Variants in LNX1 observed in about 807,000 individuals in gnomAD.
LNX1 encodes E3 ubiquitin-protein ligase LNX.
Under a neutral mutation model 68.4 loss-of-function variants are expected in LNX1, and 54 were observed. That is an observed-to-expected ratio of 0.79 (90% CI 0.63 to 0.99). LNX1 has a LOEUF of 0.99. Ranked by LOEUF, LNX1 falls within the 50% of genes least tolerant of loss-of-function variation. The pLI, the probability that LNX1 is intolerant of heterozygous loss-of-function variation, is 0.00. For missense variants in LNX1, 906 were observed against 926.4 expected, an observed-to-expected ratio of 0.98 and a Z score of 0.29; for synonymous variants, 336 against 350.0, an observed-to-expected ratio of 0.96 and a Z score of 0.45.
chr4:53,564,545 A>C (rs564533881), intron 2 of LNX1, among the ~76,000 whole-genome samples: 1 of 152,284 alleles, frequency 6.6e-6, no homozygotes, highest in Admixed American at 6.5e-5. Flanking sequence ...TATTCCCCAG[A>C]GATGTCCAGC....
Position 53,530,180 on chromosome 4 carries a change from C to G in LNX1, c.381-21953G>C, listed in dbSNP as rs938930843. The stretch of plus-strand genomic sequence containing the variant: ...AGAGCAATTTGGTTATAGAGTTGTG[C>G]TCTCTACTTTCCCAAACATTCGTTA... On this transcript the variant is annotated intron_variant, in intron 2 of 10. Transcript: ENST00000263925. 2.6e-5 allele frequency among the ~76,000 whole-genome samples: 4 copies of G among 152,182 alleles called. No homozygotes were observed. The East Asian group carries it at 7.7e-4, about 29-fold the overall frequency.
At chr4:53,463,349 T>C (rs528337535) in intron 9 of LNX1, among the ~76,000 whole-genome samples, 1 of 152,128 alleles carries the variant, frequency 6.6e-6, no homozygotes, top group African/African-American at 2.4e-5. Context: ...TCAGTGTTCC[T>C]AGTTTTATTT....
intron 2 of LNX1, among the ~76,000 whole-genome samples, chr4:53,561,637 T>C (rs563458814): frequency 6.6e-6 from 1 of 152,342 alleles, no homozygotes; most frequent in East Asian, 1.9e-4. Context: ...CGATCCAGGT[T>C]AGACCTTTGG....
intron 2 of LNX1, among the ~76,000 whole-genome samples, chr4:53,546,383 C>T (rs1276782751): frequency 6.6e-6 from 1 of 152,164 alleles, no homozygotes; most frequent in Non-Finnish European, 1.5e-5. Flanking sequence ...GGGTGCTGTG[C>T]AGGGTCACTT....
Position 53,459,623 on chromosome 4 carries a change from C to A in LNX1, c.*1284G>T. On this transcript the variant is annotated 3_prime_UTR_variant, in exon 11 of 11. Transcript: ENST00000263925. ...GAATTTTTCATGTTAAGTTAAAAAT[C>A]TTTGTCTTGTACTATTTCAAAAATA... 2.2e-6 allele frequency: 2 copies of A among 890,372 alleles called. No homozygotes were observed. The highest frequency in any genetic ancestry group is 3.5e-6 in the Non-Finnish European group (2 of 578,376). 55.2% of individuals were successfully genotyped at this position (890,372 alleles called of 1,614,324 possible). A position where few individuals can be genotyped will look rare whatever the true frequency, so the allele number is the denominator to read the frequency against.
intron 2 of LNX1, chr4:53,523,117 T>C (rs1163068620): frequency 6.6e-6 from 1 of 152,120 alleles, no homozygotes. Flanking sequence ...GACAAACAAC[T>C]GCATAGATCT....
At chr4:53,623,243 G>A (rs141403212) in intron 1 of LNX1, among the ~76,000 whole-genome samples, 96 of 145,088 alleles carry the variant, frequency 6.6e-4, no homozygotes, top group Non-Finnish European at 1.0e-3. Flanking sequence ...TCACTCTGTC[G>A]CCCAGGCTGG....
chr4:53,559,700 T>G (rs1460499737), intron 2 of LNX1, among the ~76,000 whole-genome samples: 1 of 152,064 alleles, frequency 6.6e-6, no homozygotes, highest in Non-Finnish European at 1.5e-5. Flanking sequence ...CAGGCTGTAG[T>G]GCTGTGTCAC....
At chr4:53,609,553 G>A (rs1733384975) in intron 2 of LNX1, among the ~76,000 whole-genome samples, 1 of 145,150 alleles carries the variant, frequency 6.9e-6, no homozygotes, top group Non-Finnish European at 1.5e-5. Flanking sequence ...TATAATTTAT[G>A]TATAAATAAT....
chr4:53,470,620 C>T (rs1297922433), intron 9 of LNX1, among the ~76,000 whole-genome samples: 2 of 152,166 alleles, frequency 1.3e-5, no homozygotes, highest in South Asian at 2.1e-4. Context: ...TCTCCTTAAG[C>T]TGATAAGCAA....
chr4:53,529,141 A>C (rs77100607), intron 2 of LNX1, among the ~76,000 whole-genome samples: 88 of 147,902 alleles, frequency 5.9e-4, no homozygotes, highest in Non-Finnish European at 1.0e-3. Flanking sequence ...ACACAAACAC[A>C]TGCACACACA....
intron 2 of LNX1, among the ~76,000 whole-genome samples, chr4:53,514,677 CA>C (rs1319638985): frequency 8.6e-5 from 13 of 151,992 alleles, no homozygotes; most frequent in Non-Finnish European, 1.5e-4. Context: ...CAAACCATAT[CA>C]GGGGTGAATT....
chr4:53,544,270 C>T (rs1728951976), intron 2 of LNX1, among the ~76,000 whole-genome samples: 1 of 151,926 alleles, frequency 6.6e-6, no homozygotes, highest in African/African-American at 2.4e-5. Flanking sequence ...TCTCAGCTCA[C>T]TGCAGCCTCT....
rs183527324 is a variant in LNX1, at chr4:53,483,694, T to G, written c.1351-1840A>C. 3.4e-4 allele frequency among the ~76,000 whole-genome samples: 52 copies of G among 152,328 alleles called. 1 individual carries two copies. The highest frequency in any genetic ancestry group is 2.6e-3 in the Admixed American group (40 of 15,304). Reference sequence around the variant, plus strand: ...GGAGTAAGGTTTGGTGGTTCCTCTCTTCATCCCATCCCTTGCCCACTCACC... The same window carrying G: ...GGAGTAAGGTTTGGTGGTTCCTCTCGTCATCCCATCCCTTGCCCACTCACC... On this transcript the variant is annotated intron_variant, in intron 6 of 10. Coordinates refer to ENST00000263925, the MANE Select transcript of LNX1 (RefSeq NM_001126328.3).
chr4:53,537,459 G>T (rs1352113898), intron 2 of LNX1, among the ~76,000 whole-genome samples: 1 of 152,222 alleles, frequency 6.6e-6, no homozygotes, highest in Non-Finnish European at 1.5e-5. Flanking sequence ...GTGGCCAGAT[G>T]CAAGTTCCTT....
chr4:53,462,786 G>A (rs1579340008), intron 9 of LNX1, among the ~76,000 whole-genome samples: 3 of 152,078 alleles, frequency 2.0e-5, no homozygotes, highest in Admixed American at 2.0e-4. Flanking sequence ...TTACTGAAAT[G>A]ATTGCTTAAA....
intron 4 of LNX1, among the ~76,000 whole-genome samples, chr4:53,499,533 T>G (rs150291086): frequency 7.9e-5 from 12 of 152,372 alleles, no homozygotes; most frequent in African/African-American, 2.9e-4. Flanking sequence ...TCCATGGTTC[T>G]CTGCATATAT....
rs530828165 is a variant in LNX1 at position 53,460,584 on chromosome 4, A to T, written c.*323T>A. The T allele has an allele frequency of 1.6e-5, 4 of 251,662 alleles. No individual in the cohort carries two copies. The highest frequency in any genetic ancestry group is 8.9e-5 in the African/African-American group (4 of 44,982). 15.6% of individuals were successfully genotyped at this position (251,662 alleles called of 1,614,324 possible). A position where few individuals can be genotyped will look rare whatever the true frequency, so the allele number is the denominator to read the frequency against. On this transcript the variant is annotated 3_prime_UTR_variant, in exon 11 of 11. Transcript: ENST00000263925. Reference sequence around the variant, plus strand: ...CCTTGGCAGACTTCAGCATATACCAAATTTTAAATTTAAATCAGCTTGAAT... The same window carrying T: ...CCTTGGCAGACTTCAGCATATACCATATTTTAAATTTAAATCAGCTTGAAT...
At chr4:53,589,228 G>A (rs1577766913) in intron 1 of LNX1, among the ~76,000 whole-genome samples, 1 of 152,176 alleles carries the variant, frequency 6.6e-6, no homozygotes, top group African/African-American at 2.4e-5. Context: ...GCCTTAGAGT[G>A]GGAAAAGGAA....
Sources: gnomAD v4.1 joint callset for allele counts (sites outside exome capture counted in the v4.1 genomes callset) on GRCh38, gnomAD v4.1.1 for gene constraint, MANE v1.5 for transcripts, NCBI Gene and HGNC (gene_info 2026-07-23, HGNC 2026-07-21) for gene names.